ZIC3: variants seen among roughly 807,000 people sequenced by gnomAD.
ZIC3 encodes the protein Zic family zinc finger 3, also known as zinc finger protein ZIC 3.
A neutral mutation model predicts 18.3 loss-of-function variants in ZIC3; 6 were observed. The observed-to-expected ratio is 0.33, with a 90% CI of 0.18 to 0.65. The LOEUF (loss-of-function observed/expected upper bound fraction) is 0.65. Among genes scored for constraint, ZIC3 ranks in the 30% least tolerant of loss-of-function variants. The pLI is 0.75. For missense variants in ZIC3, 260 were observed against 410.0 expected (o/e 0.63, Z 3.16); for synonymous variants, 175 against 177.0 (o/e 0.99, Z 0.09).
In ZIC3 at chrX:137,570,228, C is replaced by A; in HGVS notation, c.*158C>A. On this transcript the variant is annotated 3_prime_UTR_variant, in exon 3 of 3. Coordinates refer to ENST00000287538, the MANE Select transcript of ZIC3 (RefSeq NM_003413.4). ...GTCCAGGAAGGTTTTGGGCAAGATC[C>A]AAAAGTAGCCATGCCCTTTTCTCAG... 1.6e-6 allele frequency: 1 copy of A among 616,381 alleles called. No individual in the cohort carries two copies. The highest frequency in any genetic ancestry group is 2.6e-6 in the Non-Finnish European group (1 of 388,180). 50.8% of individuals were successfully genotyped at this position (616,381 alleles called of 1,213,427 possible).
rs1181687158 is a variant in ZIC3, at chrX:137,569,014, A to G, written c.1173A>G (p.Lys391=). Reference sequence around the variant, plus strand: ...CCTCGGACAAGCCCTATATCTGCAAAGTGTGCGACAAGTCCTACACGCACC... The same window carrying G: ...CCTCGGACAAGCCCTATATCTGCAAGGTGTGCGACAAGTCCTACACGCACC... ...VHTSDKPYIC[K]VCDKSYTHPS... is the part of the protein sequence containing the mutation. The change falls in exon 2 of 3, where the codon AAA becomes AAG. Residue 391 remains lysine (K), a synonymous_variant. Transcript: ENST00000287538. 3 of 1,211,324 alleles carry G rather than the reference A, an allele frequency of 2.5e-6. No homozygotes were observed. Among genetic ancestry groups the G allele is most frequent in the Non-Finnish European group, 3.4e-6 (3 of 895,430 alleles).
Position 137,568,938 on chromosome X carries a change from A to G in ZIC3, c.1097A>G (p.Asp366Gly), listed in dbSNP as rs1412106690. Residue 366 changes from aspartate to glycine, a missense_variant, in exon 2 of 3, where the codon GAC becomes GGC. Physicochemically the swap from Asp to Gly is moderately conservative, Grantham distance 94. Around this residue, in one of 4 missense-constraint regions of ZIC3, gnomAD observed 52 missense variants for 111.5 expected, o/e 0.47. Transcript: ENST00000287538. ...TTCAAATGTGAATTTGAAGGCTGTG[A>G]CAGACGCTTTGCCAACAGCAGCGAC... ...KPFKCEFEGC[D>G]RRFANSSDRK... is the part of the protein sequence containing the mutation. 8.3e-7 allele frequency: 1 copy of G among 1,210,952 alleles called. No homozygotes were observed. The highest frequency in any genetic ancestry group is 1.1e-6 in the Non-Finnish European group (1 of 895,282).
chrX:137,576,682 G>A (rs1170036690), downstream of ZIC3, among the ~76,000 whole-genome samples: 1 of 112,256 alleles, frequency 8.9e-6, no homozygotes, highest in Non-Finnish European at 1.9e-5. Flanking sequence ...TTTAACAGAC[G>A]AACATAAATC....
In ZIC3 at chrX:137,566,996, C is replaced by T. The variant is rs766511169; in HGVS notation, c.305C>T (p.Pro102Leu). ...CATCATCACCACACCAGCCAGGTGC[C>T]CAGCTACGGTGGCGCTGCCTCTGCC... ...HHHHHHTSQV[P>L]SYGGAASAAF... The change falls in exon 1 of 3, where the codon CCC becomes CTC. Residue 102 changes from proline (P) to leucine (L), a missense_variant. By Grantham distance (98) the Pro-to-Leu change is moderately conservative. Around this residue, in one of 4 missense-constraint regions of ZIC3, gnomAD observed 183 missense variants for 223.8 expected, o/e 0.82. Coordinates refer to ENST00000287538, the MANE Select transcript of ZIC3 (RefSeq NM_003413.4). 64 of 1,166,678 alleles carry T rather than the reference C, an allele frequency of 5.5e-5. No individual in the cohort carries two copies. Among genetic ancestry groups the T allele is most frequent in the Non-Finnish European group, 6.9e-5 (60 of 873,037 alleles).
Position 137,566,497 on chromosome X carries a change from C to G in ZIC3, c.-195C>G. ...ACACCCCCTCCCTGCTCTTTCTTCC[C>G]CTCCTCCCTCCTATCCCTCTGCAGG... On this transcript the variant is annotated 5_prime_UTR_variant, in exon 1 of 3. Coordinates refer to ENST00000287538, the MANE Select transcript of ZIC3 (RefSeq NM_003413.4). 1 of 533,511 alleles carries G rather than the reference C, an allele frequency of 1.9e-6. No homozygotes were observed. The highest frequency in any genetic ancestry group is 2.8e-6 in the Non-Finnish European group (1 of 358,415). The allele number at this position is 533,511 out of a possible 1,213,427, so 44.0% of individuals were successfully genotyped here. A position where few individuals can be genotyped will look rare whatever the true frequency, so the allele number is the denominator to read the frequency against.
Position 137,567,067 on chromosome X carries a change from G to A in ZIC3, c.376G>A (p.Gly126Arg). Residue 126 changes from glycine to arginine, a missense_variant, in exon 1 of 3, where the codon GGG becomes AGG. Gly to Arg is a moderately radical substitution (Grantham distance 125, BLOSUM62 -2). Transcript: ENST00000287538. ...REFLFRQRSS[G>R]LSEAASGGGQ... ...GTTTCTGTTCCGCCAGCGCAGCTCC[G>A]GGCTCAGTGAGGCGGCCTCGGGTGG... 1 of 1,183,683 alleles carries A rather than the reference G, an allele frequency of 8.4e-7. No homozygotes were observed. Among genetic ancestry groups the A allele is most frequent in the Non-Finnish European group, 1.1e-6 (1 of 881,625 alleles).
downstream of ZIC3, among the ~76,000 whole-genome samples, chrX:137,572,562 C>T (rs1931454090): frequency 8.9e-6 from 1 of 112,281 alleles, no homozygotes; most frequent in South Asian, 3.7e-4. Context: ...AGTATATATT[C>T]ATAAGACTGG....
intron 1 of ZIC3, 195 bp from the exon 2 acceptor site, chrX:137,568,707 C>G (rs1931393150): frequency 5.8e-6 from 1 of 172,517 alleles, no homozygotes. Flanking sequence ...ACCCCCACCC[C>G]GACCACCACT....
rs899273068 is a variant in ZIC3, at chrX:137,566,358, G to A, written c.-334G>A. The A allele has an allele frequency of 5.6e-5, 18 of 322,962 alleles. No homozygotes were observed. The highest frequency in any genetic ancestry group is 8.7e-5 in the Non-Finnish European group (16 of 183,946). The allele number at this position is 322,962 out of a possible 1,213,427, so 26.6% of individuals were successfully genotyped here. A position where few individuals can be genotyped will look rare whatever the true frequency, so the allele number is the denominator to read the frequency against. On this transcript the variant is annotated 5_prime_UTR_variant, in exon 1 of 3. Transcript: ENST00000287538. ...GCCCGGGACAGGATTGGCAAACTCC[G>A]CCCTCCACTTACTATTTTGCTTATT...
rs757117094 is a variant in ZIC3 at position 137,567,088 on chromosome X, G to A, written c.397G>A (p.Gly133Ser). The change falls in exon 1 of 3, where the codon GGT becomes AGT. Residue 133 changes from glycine to serine, a missense_variant. Transcript: ENST00000287538. ...RSSGLSEAAS[G>S]GGQHGLFAGS... ...CTCCGGGCTCAGTGAGGCGGCCTCGGGTGGCGGGCAGCACGGGCTCTTCGC... is the reference window on the plus strand; with the variant it reads ...CTCCGGGCTCAGTGAGGCGGCCTCGAGTGGCGGGCAGCACGGGCTCTTCGC... 1.2e-5 allele frequency: 14 copies of A among 1,196,692 alleles called. No homozygotes were observed. The highest frequency in any genetic ancestry group is 1.6e-5 in the Non-Finnish European group (14 of 888,764).
At chrX:137,568,339 G>GAGCT (rs1556030096) in intron 1 of ZIC3, among the ~76,000 whole-genome samples, 5 of 79,789 alleles carry the variant, frequency 6.3e-5, no homozygotes. Flanking sequence ...TGGATCGATC[G>GAGCT]ATCTATCTAT....
In ZIC3 at chrX:137,566,789, C is replaced by T. The variant is rs201398331; in HGVS notation, c.98C>T (p.Ala33Val). 74 of 1,179,086 alleles carry T rather than the reference C, an allele frequency of 6.3e-5. No homozygotes were observed. The East Asian group carries it at 7.1e-4, about 11-fold the overall frequency. ...CACGAGATGCCCAACCGTGAGCCGG[C>T]AGGCATGGGGCTGAATCCCTTCGGG... ...RHHEMPNREP[A>V]GMGLNPFGDS... Residue 33 changes from alanine to valine, a missense_variant, in exon 1 of 3, where the codon GCA becomes GTA. Physicochemically the swap from Ala to Val is moderately conservative, Grantham distance 64. Around this residue, in one of 4 missense-constraint regions of ZIC3, gnomAD observed 183 missense variants for 223.8 expected, o/e 0.82. Coordinates refer to ENST00000287538, the MANE Select transcript of ZIC3 (RefSeq NM_003413.4).
chrX:137,573,589 A>G (rs1931469795), downstream of ZIC3, among the ~76,000 whole-genome samples: 1 of 112,173 alleles, frequency 8.9e-6, no homozygotes, highest in Non-Finnish European at 1.9e-5. Flanking sequence ...AACTCCCTAA[A>G]ACAGAGGAGC....
downstream of ZIC3, among the ~76,000 whole-genome samples, chrX:137,576,931 A>G (rs781266427): frequency 1.8e-5 from 2 of 112,181 alleles, no homozygotes; most frequent in African/African-American, 3.2e-5. Context: ...TGTGTCATAT[A>G]TTTTATTAAA....
At chrX:137,567,903 C>T in intron 1 of ZIC3, 152 bp downstream of exon 1, 1 of 986,383 alleles carries the variant, frequency 1.0e-6, no homozygotes, top group Non-Finnish European at 1.4e-6. Context: ...TGACCATCCA[C>T]CCCTAGCCCT....
rs763606047 is a variant in ZIC3 at position 137,566,172 on chromosome X, CGCGGCGA to C, written c.-514_-508del. 6.8e-6 allele frequency: 1 copy of C among 147,811 alleles called. No homozygotes were observed. Among genetic ancestry groups the C allele is most frequent in the African/African-American group, 3.2e-5 (1 of 31,627 alleles). 12.2% of individuals were successfully genotyped at this position (147,811 alleles called of 1,213,427 possible). A position where few individuals can be genotyped will look rare whatever the true frequency, so the allele number is the denominator to read the frequency against. On this transcript the variant is annotated 5_prime_UTR_variant, in exon 1 of 3. Coordinates refer to ENST00000287538, the MANE Select transcript of ZIC3 (RefSeq NM_003413.4). ...CTGGAGGCGAAGAGGCTGGGACTCG[CGCGGCGA>C]GCGGCAAGCGGCGAGTAACGAGCCT...
chrX:137,567,082 G>T lies in ZIC3; in HGVS notation c.391G>T (p.Ala131Ser). ...RQRSSGLSEAASGGGQHGLFA... is the reference protein window; with the variant it reads ...RQRSSGLSEASSGGGQHGLFA... ...GCGCAGCTCCGGGCTCAGTGAGGCGGCCTCGGGTGGCGGGCAGCACGGGCT... is the reference window on the plus strand; with the variant it reads ...GCGCAGCTCCGGGCTCAGTGAGGCGTCCTCGGGTGGCGGGCAGCACGGGCT... Residue 131 changes from alanine to serine, a missense_variant, in exon 1 of 3, where the codon GCC becomes TCC. Physicochemically the swap from Ala to Ser is moderately conservative, Grantham distance 99 (BLOSUM62 1). Around this residue, in one of 4 missense-constraint regions of ZIC3, gnomAD observed 183 missense variants for 223.8 expected, o/e 0.82. Transcript: ENST00000287538. 1 of 1,193,453 alleles carries T rather than the reference G, an allele frequency of 8.4e-7. No homozygotes were observed.
Position 137,570,098 on chromosome X carries a change from G to A in ZIC3, c.*28G>A. ...ACAAACACAAACCCTGTTAATTATAGAATGGACCAAATACATTTTTAAAAG... is the reference window on the plus strand; with the variant it reads ...ACAAACACAAACCCTGTTAATTATAAAATGGACCAAATACATTTTTAAAAG... On this transcript the variant is annotated 3_prime_UTR_variant, in exon 3 of 3. Coordinates refer to ENST00000287538, the MANE Select transcript of ZIC3 (RefSeq NM_003413.4). The A allele has an allele frequency of 8.3e-7, 1 of 1,199,574 alleles. No homozygotes were observed.
Position 137,567,200 on chromosome X carries a change from C to T in ZIC3, c.509C>T (p.Ala170Val). 8.3e-7 allele frequency: 1 copy of T among 1,209,840 alleles called. No homozygotes were observed. The highest frequency in any genetic ancestry group is 1.1e-6 in the Non-Finnish European group (1 of 894,509). ...TTTCCCGGGCTGCATGAGCAGGGCG[C>T]TGGGCACCCGTCGCCCACAGGGCAC... ...LLFPGLHEQG[A>V]GHPSPTGHVD... The change falls in exon 1 of 3, where the codon GCT (alanine) becomes GTT (valine). Residue 170 changes from alanine (A) to valine (V), a missense_variant. By Grantham distance (64) the Ala-to-Val change is moderately conservative. This residue lies in a region of ZIC3 where 183 missense variants were observed against 223.8 expected (regional missense o/e 0.82). Coordinates refer to ENST00000287538, the MANE Select transcript of ZIC3 (RefSeq NM_003413.4).
Sources: gnomAD v4.1 joint callset for allele counts (sites outside exome capture counted in the v4.1 genomes callset) on GRCh38, gnomAD v4.1.1 for gene constraint, gnomAD v4.1.1 regional missense constraint, MANE v1.5 for transcripts, NCBI Gene and HGNC (gene_info 2026-07-23, HGNC 2026-07-21) for gene names.